DSP: variants seen among roughly 807,000 people sequenced by gnomAD.
The protein encoded by DSP is desmoplakin.
In DSP, 114 loss-of-function variants were observed where a neutral mutation model predicts 290.6. That is an observed-to-expected ratio of 0.39 (90% CI 0.34 to 0.46). The LOEUF is 0.46. Ranked by LOEUF, DSP falls within the 20% of genes least tolerant of loss-of-function variation. DSP has a pLI of 0.99. For synonymous variants in DSP, 1,311 were observed against 1,316.4 expected (o/e 1.00, Z 0.09); for missense variants, 3,230 against 3,495.8 (o/e 0.92, Z 1.92).
At position 7,582,429 on chromosome 6, in the gene DSP, A is replaced by G. The variant is rs1416341673; in HGVS notation, c.5380-213A>G. On this transcript the variant is annotated intron_variant, in intron 23 of 23. Transcript: ENST00000379802. This position sits in a 1 kb window ranked among gnomAD's most constrained non-coding sequence, Gnocchi z 4.2. ...TCTATAGAAAAAAATAGTAAGTATG[A>G]AGCCATTTATTGAAGTGGCAACATA... is the stretch of plus-strand genomic sequence containing the variant. Among the ~76,000 whole-genome samples the G allele has an allele frequency of 4.6e-5, 7 of 151,874 alleles. No homozygotes were observed. The highest frequency in any genetic ancestry group is 1.0e-4 in the Non-Finnish European group (7 of 67,968).
chr6:7,541,747 C>T lies in DSP; in HGVS notation c.-169C>T. ...CCCGGCCCGTCGCCGTCTCCGCGCT[C>T]GCAGCGGCCTCGGGAGGGCCCAGGT... On this transcript the variant is annotated 5_prime_UTR_variant, in exon 1 of 24. Transcript: ENST00000379802. The T allele has an allele frequency of 1.2e-6, 1 of 820,142 alleles. No individual in the cohort carries two copies. Among genetic ancestry groups the T allele is most frequent in the Non-Finnish European group, 1.8e-6 (1 of 556,484 alleles). The allele number at this position is 820,142 out of a possible 1,614,324, so 50.8% of individuals were successfully genotyped here.
At position 7,552,069 on chromosome 6, in the gene DSP, G is replaced by A. The variant is rs138445642; in HGVS notation, c.171-3649G>A. The stretch of plus-strand genomic sequence containing the variant: ...AAAGTTGTGTATATGATGAAATTTC[G>A]TTAATCAGATCACACTTCCCAATAG... On this transcript the variant is annotated intron_variant, in intron 1 of 23. Coordinates refer to ENST00000379802, the MANE Select transcript of DSP (RefSeq NM_004415.4). Among the ~76,000 whole-genome samples the A allele has an allele frequency of 2.8e-4, 42 of 152,236 alleles. No homozygotes were observed. In the East Asian group the frequency reaches 6.7e-3, roughly 24 times the overall value.
rs1319159239 is a variant in DSP, at chr6:7,565,666, C to T, written c.939+146C>T. Reference sequence around the variant, plus strand: ...TTGAAATGGTCGTGAAAAATCCTTCCTTCCTGAAAACTTCTCCGTGTGGAG... The same window carrying T: ...TTGAAATGGTCGTGAAAAATCCTTCTTTCCTGAAAACTTCTCCGTGTGGAG... On this transcript the variant is annotated intron_variant, in intron 7 of 23. Transcript: ENST00000379802. This position sits in a 1 kb window ranked among gnomAD's most constrained non-coding sequence, Gnocchi z 4.2. The T allele has an allele frequency of 1.2e-5, 14 of 1,164,108 alleles. No homozygotes were observed. Among genetic ancestry groups the T allele is most frequent in the Non-Finnish European group, 1.7e-5 (14 of 813,472 alleles). 72.1% of individuals were successfully genotyped at this position (1,164,108 alleles called of 1,614,324 possible). A position where few individuals can be genotyped will look rare whatever the true frequency, so the allele number is the denominator to read the frequency against.
At position 7,580,512 on chromosome 6, in the gene DSP, C is replaced by T; in HGVS notation, c.4322C>T (p.Ser1441Phe). ...CAAAAGGCCACTGGCTCTGAGGTGT[C>T]TCAGAGGAAACAGCAGCTGGAGGTT... is the stretch of plus-strand genomic sequence containing the variant. ...QQQKATGSEV[S>F]QRKQQLEVEL... Residue 1441 changes from serine (S) to phenylalanine (F), a missense_variant, in exon 23 of 24, where the codon TCT (serine) becomes TTT (phenylalanine). This residue lies in a region of DSP where 1,714 missense variants were observed against 1,844.5 expected (regional missense o/e 0.93). Transcript: ENST00000379802. The surrounding 1 kb of genome is among the most constrained non-coding windows in gnomAD (Gnocchi z 4.2). 1.2e-6 allele frequency: 2 copies of T among 1,614,034 alleles called. No individual in the cohort carries two copies. Among genetic ancestry groups the T allele is most frequent in the South Asian group, 2.2e-5 (2 of 91,060 alleles).
Position 7,571,596 on chromosome 6 carries a change from A to T in DSP, c.1903+12A>T, listed in dbSNP as rs1759055163. The T allele has an allele frequency of 6.2e-7, 1 of 1,614,008 alleles. No homozygotes were observed. On this transcript the variant is annotated intron_variant, in intron 14 of 23. Transcript: ENST00000379802. ...CCAGCACCAGACAGGTCGGCTTGGGACATCTTTCTCTTTGTATCAACCATC... is the reference window on the plus strand; with the variant it reads ...CCAGCACCAGACAGGTCGGCTTGGGTCATCTTTCTCTTTGTATCAACCATC...
Position 7,582,599 on chromosome 6 carries a change from T to A in DSP, c.5380-43T>A. ...AGTCGTGATAGTAATATGATATGAT[T>A]CAAAACATTATTTTTTCCCATTTCT... On this transcript the variant is annotated intron_variant, in intron 23 of 23. Coordinates refer to ENST00000379802, the MANE Select transcript of DSP (RefSeq NM_004415.4). This position sits in a 1 kb window ranked among gnomAD's most constrained non-coding sequence, Gnocchi z 4.2. The A allele has an allele frequency of 6.5e-7, 1 of 1,529,072 alleles. No homozygotes were observed. 94.7% of individuals were successfully genotyped at this position (1,529,072 alleles called of 1,614,324 possible).
Position 7,579,311 on chromosome 6 carries a change from C to T in DSP, c.3121C>T (p.Leu1041Phe), listed in dbSNP as rs1369669469. ...NTKIEVLEEE[L>F]RLARDANSEN... is the part of the protein sequence containing the mutation. ...CAAGATCGAAGTTTTGGAAGAGGAG[C>T]TCAGACTGGCCCGAGATGCCAACTC... is the stretch of plus-strand genomic sequence containing the variant. Residue 1041 changes from leucine (L) to phenylalanine (F), a missense_variant, in exon 23 of 24, where the codon CTC becomes TTC. This residue lies in a region of DSP where 1,714 missense variants were observed against 1,844.5 expected (regional missense o/e 0.93). Coordinates refer to ENST00000379802, the MANE Select transcript of DSP (RefSeq NM_004415.4). This position sits in a 1 kb window ranked among gnomAD's most constrained non-coding sequence, Gnocchi z 4.1. The T allele has an allele frequency of 6.2e-7, 1 of 1,614,146 alleles. No individual in the cohort carries two copies. The highest frequency in any genetic ancestry group is 8.5e-7 in the Non-Finnish European group (1 of 1,180,032).
chr6:7,571,618 C>T (rs548030838), intron 14 of DSP, 34 bp downstream of exon 14: 2 of 1,612,362 alleles, frequency 1.2e-6, no homozygotes, highest in Admixed American at 1.7e-5. Flanking sequence ...TTGTATCAAC[C>T]ATCCATACCA....
intron 1 of DSP, among the ~76,000 whole-genome samples, chr6:7,542,296 G>A (rs1758017482): frequency 6.6e-6 from 1 of 152,122 alleles, no homozygotes. Context: ...ACAGGGACTC[G>A]GTCGTACCTT....
In DSP at chr6:7,583,860, T is replaced by C. The variant is rs1226765540; in HGVS notation, c.6598T>C (p.Leu2200=). 6.2e-7 allele frequency: 1 copy of C among 1,614,154 alleles called. No homozygotes were observed. Among genetic ancestry groups the C allele is most frequent in the East Asian group, 2.2e-5 (1 of 44,884 alleles). ...AATCGAACCACATACTGGTCTGCTCTTGCTTTCAGTACAGAAGAGAAGCAT... is the reference window on the plus strand; with the variant it reads ...AATCGAACCACATACTGGTCTGCTCCTGCTTTCAGTACAGAAGAGAAGCAT... The part of the protein sequence containing the change: ...CRIEPHTGLL[L]LSVQKRSMSF... The change falls in exon 24 of 24, where the codon TTG becomes CTG. Residue 2200 remains leucine, a synonymous_variant. Transcript: ENST00000379802. The surrounding 1 kb of genome is among the most constrained non-coding windows in gnomAD (Gnocchi z 4.0).
At chr6:7,554,125 A>ACACACACACAC (rs772041102) in intron 1 of DSP, among the ~76,000 whole-genome samples, 2 of 144,400 alleles carry the variant, frequency 1.4e-5, no homozygotes, top group Non-Finnish European at 3.0e-5. Flanking sequence ...ACACACACAC[A>ACACACACACAC]CCCAGTTGGT....
At chr6:7,577,123 T>A in intron 20 of DSP, 81 bp downstream of exon 20, 1 of 1,077,546 alleles carries the variant, frequency 9.3e-7, no homozygotes, top group Non-Finnish European at 1.4e-6. Flanking sequence ...TTGTAAAGCG[T>A]ATACACTTCC....
chr6:7,583,521 T>A lies in DSP; in HGVS notation c.6259T>A (p.Tyr2087Asn), dbSNP rs780332266. ...TGACTTCGATGACCGTCAGCAGATATATGCAGCAGAAAAAGCTATCACTGG... is the reference window on the plus strand; with the variant it reads ...TGACTTCGATGACCGTCAGCAGATAAATGCAGCAGAAAAAGCTATCACTGG... ...LIDFDDRQQI[Y>N]AAEKAITGFD... The change falls in exon 24 of 24, where the codon TAT (tyrosine) becomes AAT (asparagine). Residue 2087 changes from tyrosine to asparagine, a missense_variant. Tyr to Asn is a moderately radical substitution (Grantham distance 143). Transcript: ENST00000379802. The surrounding 1 kb of genome is among the most constrained non-coding windows in gnomAD (Gnocchi z 4.0). The A allele has an allele frequency of 6.2e-7, 1 of 1,614,106 alleles. No homozygotes were observed. Among genetic ancestry groups the A allele is most frequent in the African/African-American group, 1.3e-5 (1 of 75,010 alleles).
rs752360866 is a variant in DSP, at chr6:7,582,988, T to C, written c.5726T>C (p.Ile1909Thr). 5.6e-6 allele frequency: 9 copies of C among 1,613,612 alleles called. No individual in the cohort carries two copies. Among genetic ancestry groups the C allele is most frequent in the African/African-American group, 4.0e-5 (3 of 74,768 alleles). Residue 1909 changes from isoleucine to threonine, a missense_variant, in exon 24 of 24, where the codon ATT (isoleucine) becomes ACT (threonine). Ile to Thr is a moderately conservative substitution (Grantham distance 89). Coordinates refer to ENST00000379802, the MANE Select transcript of DSP (RefSeq NM_004415.4). The surrounding 1 kb of genome is among the most constrained non-coding windows in gnomAD (Gnocchi z 4.2). ...AGACTCCAAGCAGAGATCAAGAGAA[T>C]TGAAGAGAGGTGCAGGCGTAAGCTG... Reference protein sequence around the residue: ...IERLQAEIKRIEERCRRKLED... With the variant: ...IERLQAEIKRTEERCRRKLED...
chr6:7,546,351 G>A (rs542780569), intron 1 of DSP, among the ~76,000 whole-genome samples: 14 of 152,184 alleles, frequency 9.2e-5, no homozygotes, highest in Admixed American at 3.9e-4. Context: ...CTTAATATAC[G>A]GCAGGTAACA....
At chr6:7,553,023 C>T (rs1029056887) in intron 1 of DSP, among the ~76,000 whole-genome samples, 3 of 152,182 alleles carry the variant, frequency 2.0e-5, no homozygotes, top group Admixed American at 6.5e-5. Flanking sequence ...TTTGTCCTCC[C>T]TGTCTCTGTT....
chr6:7,581,921 T>C lies in DSP; in HGVS notation c.5379+352T>C, dbSNP rs921812707. On this transcript the variant is annotated intron_variant, in intron 23 of 23. Transcript: ENST00000379802. Reference sequence around the variant, plus strand: ...TATGACATACATTTGTAATGAAAATTTTCTTAAATAGAAGCCATACTAAAG... The same window carrying C: ...TATGACATACATTTGTAATGAAAATCTTCTTAAATAGAAGCCATACTAAAG... Among the ~76,000 whole-genome samples, 20 of 152,060 alleles carry C rather than the reference T, an allele frequency of 1.3e-4. 2 individuals are homozygous for C. Among genetic ancestry groups the C allele is most frequent in the Admixed American group, 1.3e-3 (20 of 15,270 alleles).
intron 1 of DSP, among the ~76,000 whole-genome samples, chr6:7,548,181 C>T (rs1275783394): frequency 2.0e-5 from 3 of 151,822 alleles, no homozygotes; most frequent in Admixed American, 1.3e-4. Flanking sequence ...GCAGAAGAAT[C>T]GCTTGAACCC....
In DSP at chr6:7,579,950, G is replaced by A. The variant is rs778448699; in HGVS notation, c.3760G>A (p.Val1254Ile). 28 of 1,614,046 alleles carry A rather than the reference G, an allele frequency of 1.7e-5. No individual in the cohort carries two copies. Among genetic ancestry groups the A allele is most frequent in the Non-Finnish European group, 2.4e-5 (28 of 1,180,044 alleles). Reference sequence around the variant, plus strand: ...AAATCGAGATCTGAAGGATGAAATTGTCAGGCTCAATGACAGCATCTTGCA... The same window carrying A: ...AAATCGAGATCTGAAGGATGAAATTATCAGGCTCAATGACAGCATCTTGCA... ...RENRDLKDEI[V>I]RLNDSILQAT... The change falls in exon 23 of 24, where the codon GTC becomes ATC. Residue 1254 changes from valine (V) to isoleucine (I), a missense_variant. Val to Ile is a conservative substitution (Grantham distance 29). Transcript: ENST00000379802. The surrounding 1 kb of genome is among the most constrained non-coding windows in gnomAD (Gnocchi z 4.1).
Sources: allele counts gnomAD v4.1 joint callset (sites outside exome capture counted in the v4.1 genomes callset), GRCh38; gene constraint gnomAD v4.1.1; regional missense constraint gnomAD v4.1.1; non-coding constraint Gnocchi (gnomAD v3.1); transcripts MANE v1.5; gene names NCBI Gene and HGNC (gene_info 2026-07-23, HGNC 2026-07-21).